Variants in CHD1L observed in about 807,000 individuals in gnomAD.
CHD1L encodes the protein ATP-dependent chromatin remodeler CHD1L.
A neutral mutation model predicts 115.9 loss-of-function variants in CHD1L; 118 were observed. The observed-to-expected ratio is 1.02, with a 90% CI of 0.88 to 1.19. The LOEUF (loss-of-function observed/expected upper bound fraction) is 1.19, where lower values mean the gene tolerates loss of function less well. Among genes scored for constraint, CHD1L ranks in the 50% most tolerant of loss-of-function variants. CHD1L has a pLI of 0.00. For synonymous variants in CHD1L, 411 were observed against 387.1 expected, an observed-to-expected ratio of 1.06 and a Z score of -0.72; for missense variants, 1,179 against 1,065.3, an observed-to-expected ratio of 1.11 and a Z score of -1.49.
chr1:147,220,686 C>T, the CHD1L span, among the ~76,000 whole-genome samples: 5 of 152,064 alleles, frequency 3.3e-5, no homozygotes, highest in East Asian at 1.9e-4. Context: ...AACTTTTTAA[C>T]GCATGTTGAG....
At chr1:147,294,335 T>G in intron 21 of CHD1L, 74 bp from the exon 22 acceptor site, 1 of 948,256 alleles carries the variant, frequency 1.1e-6, no homozygotes, top group Non-Finnish European at 1.6e-6. Flanking sequence ...AATAATAATT[T>G]TCTCCCATGT....
Position 147,285,442 on chromosome 1 carries a change from TAGA to T in CHD1L, c.1974_1976del (p.Ile658_Glu659delinsMet), listed in dbSNP as rs1368647763. 2 of 1,613,554 alleles carry T rather than the reference TAGA, an allele frequency of 1.2e-6. No individual in the cohort carries two copies. The highest frequency in any genetic ancestry group is 1.7e-6 in the Non-Finnish European group (2 of 1,179,874). On this transcript the variant is annotated inframe_deletion, in exon 17 of 23. Transcript: ENST00000369258. ...GCAGCTGCCAAGAGAAGGAGACTCA[TAGA>T]GGAGAAGAAGAGGCAAAAGGAAGAG... is the stretch of plus-strand genomic sequence containing the variant.
At chr1:147,192,047 G>A in the CHD1L span, among the ~76,000 whole-genome samples, 1 of 152,124 alleles carries the variant, frequency 6.6e-6, no homozygotes, top group Non-Finnish European at 1.5e-5. Flanking sequence ...ATTCTGTGAA[G>A]AAAGTCATTG....
intron 6 of CHD1L, chr1:147,260,927 A>C (rs1472568550): frequency 2.0e-5 from 3 of 152,240 alleles, no homozygotes; most frequent in African/African-American, 7.2e-5. Context: ...TTCATTGATG[A>C]GACCACATAT....
At chr1:147,248,210 A>ATT (rs782741705) in intron 1 of CHD1L, among the ~76,000 whole-genome samples, 148,494 of 150,110 alleles carry the variant, frequency 0.99, 73,444 homozygotes, top group East Asian at 1. Flanking sequence ...TGGAAGTCTT[A>ATT]TTTTTTTTTT....
the CHD1L span, chr1:147,175,611 C>A: frequency 2.6e-5 from 4 of 151,558 alleles, no homozygotes; most frequent in Non-Finnish European, 5.9e-5. Context: ...GATGAGCTTG[C>A]TTCCCTTCTA....
the CHD1L span, among the ~76,000 whole-genome samples, chr1:147,196,822 C>T: frequency 6.6e-6 from 1 of 152,086 alleles, no homozygotes; most frequent in Admixed American, 6.6e-5. Flanking sequence ...CTCTCTTCTC[C>T]AACATGCTTT....
At chr1:147,231,494 G>A in the CHD1L span, among the ~76,000 whole-genome samples, 1 of 152,188 alleles carries the variant, frequency 6.6e-6, no homozygotes, top group Admixed American at 6.5e-5. Flanking sequence ...TTGATTTGGG[G>A]TGGAGAGTTC....
At chr1:147,257,368 C>G (rs1670475262) in intron 5 of CHD1L, among the ~76,000 whole-genome samples, 1 of 151,844 alleles carries the variant, frequency 6.6e-6, no homozygotes. Context: ...GAGGCTAGGT[C>G]ATAGATTTCA....
the CHD1L span, among the ~76,000 whole-genome samples, chr1:147,192,351 A>G: frequency 2.6e-5 from 4 of 152,158 alleles, no homozygotes; most frequent in African/African-American, 9.6e-5. Context: ...TGATTTTTGT[A>G]CATTGATTTT....
intron 5 of CHD1L, 128 bp downstream of exon 5, chr1:147,256,690 T>C (rs1430655097): frequency 4.8e-6 from 4 of 833,584 alleles, no homozygotes; most frequent in Non-Finnish European, 7.8e-6. Context: ...TGTTTATGGG[T>C]AGGCGGCATG....
chr1:147,265,917 T>C lies in CHD1L; in HGVS notation c.740-15T>C, dbSNP rs782388444. 6.3e-7 allele frequency: 1 copy of C among 1,597,396 alleles called. No individual in the cohort carries two copies. On this transcript the variant is annotated splice_polypyrimidine_tract_variant and intron_variant, in intron 7 of 22. Transcript: ENST00000369258. ...CTTTTGTCCCACACTTCTTGTATTT[T>C]TTTTTCTTATGTAGCAAGTGAACTG...
At chr1:147,288,350 A>AG (rs1684209693) in intron 19 of CHD1L, among the ~76,000 whole-genome samples, 1 of 148,556 alleles carries the variant, frequency 6.7e-6, no homozygotes, top group African/African-American at 2.5e-5. Context: ...AAAAAAAGAA[A>AG]AAGAGAACTA....
chr1:147,260,069 T>A (rs1553943054), intron 6 of CHD1L, 151 bp downstream of exon 6: 1 of 564,250 alleles, frequency 1.8e-6, no homozygotes, highest in African/African-American at 1.9e-5. Context: ...AGCTGTCCCC[T>A]GTCCCCACAC....
At position 147,264,597 on chromosome 1, in the gene CHD1L, C is replaced by T; in HGVS notation, c.739+13C>T. 6.2e-7 allele frequency: 1 copy of T among 1,611,094 alleles called. No homozygotes were observed. The highest frequency in any genetic ancestry group is 8.5e-7 in the Non-Finnish European group (1 of 1,178,728). ...GAATCTGAGTCAGGCAAGTTCCTTT[C>T]CTGCAAATCATCCCCAAGAAGCCTT... On this transcript the variant is annotated intron_variant, in intron 7 of 22. Transcript: ENST00000369258.
intron 17 of CHD1L, 89 bp downstream of exon 17, chr1:147,285,576 C>G (rs1016133172): frequency 9.6e-6 from 13 of 1,358,306 alleles, no homozygotes; most frequent in Middle Eastern, 5.5e-4. Context: ...TTTAAAAATA[C>G]AGAAAATTCA....
chr1:147,173,869 C>T, the CHD1L span, among the ~76,000 whole-genome samples: 7 of 152,332 alleles, frequency 4.6e-5, no homozygotes, highest in South Asian at 1.2e-3. Flanking sequence ...TTTTCATATT[C>T]TGCATGTACC....
the CHD1L span, among the ~76,000 whole-genome samples, chr1:147,233,228 G>A: frequency 6.6e-6 from 1 of 150,586 alleles, no homozygotes; most frequent in African/African-American, 2.4e-5. Context: ...CCTGGCAACT[G>A]CCCCATCTGA....
intron 18 of CHD1L, among the ~76,000 whole-genome samples, chr1:147,287,287 T>C (rs1410736469): frequency 1.3e-5 from 2 of 152,196 alleles, no homozygotes; most frequent in Admixed American, 6.5e-5. Flanking sequence ...ACCTTGCCTA[T>C]GTGCTGTTGC....
Sources: allele counts gnomAD v4.1 joint callset (sites outside exome capture counted in the v4.1 genomes callset), GRCh38; gene constraint gnomAD v4.1.1; transcripts MANE v1.5; gene names NCBI Gene and HGNC (gene_info 2026-07-23, HGNC 2026-07-21).